The following SHC2 variants were observed in gnomAD, a reference collection of about 807,000 sequenced individuals.
SHC2 encodes SHC adaptor protein 2, also known as SHC-transforming protein 2.
SHC2 carries 62 observed loss-of-function variants against 60.6 expected under a neutral mutation model. The observed-to-expected ratio is 1.02, with a 90% CI of 0.83 to 1.26. The LOEUF (loss-of-function observed/expected upper bound fraction) is 1.26. SHC2 is among the 50% of genes most tolerant of loss of function. The pLI is 0.00. For synonymous variants in SHC2, 375 were observed against 372.4 expected, an observed-to-expected ratio of 1.01 and a Z score of -0.08; for missense variants, 873 against 822.2, an observed-to-expected ratio of 1.06 and a Z score of -0.76.
intron 1 of SHC2, among the ~76,000 whole-genome samples, chr19:458,947 T>C (rs1462589718): frequency 2.6e-5 from 4 of 152,056 alleles, no homozygotes; most frequent in Non-Finnish European, 4.4e-5. Flanking sequence ...AGCCAGCTTC[T>C]GGGGGCTCCC....
chr19:439,049 G>T lies in SHC2; in HGVS notation c.540-19C>A. The T allele has an allele frequency of 6.4e-7, 1 of 1,568,114 alleles. No individual in the cohort carries two copies. The highest frequency in any genetic ancestry group is 2.3e-5 in the East Asian group (1 of 42,904). On this transcript the variant is annotated intron_variant, in intron 2 of 12. Coordinates refer to ENST00000264554, the MANE Select transcript of SHC2 (RefSeq NM_012435.3). ...GGCTTCCCTGGGGTTGGGAGGAGGG[G>T]GCTTAGAGAGTGTGGTGGGGGTGGC...
At chr19:436,064 G>A (rs1974708379) in intron 7 of SHC2, 101 bp downstream of exon 7, 1 of 1,312,896 alleles carries the variant, frequency 7.6e-7, no homozygotes. Flanking sequence ...GAGGGACAAG[G>A]GCAGGACGGA....
rs1349358905 is a variant in SHC2 at position 446,570 on chromosome 19, G to T, written c.469-5638C>A. ...GTGATCCGCCTCGGTCTCCCAAAGT[G>T]CTGGGACTACAGGCGTGAGTCACCG... On this transcript the variant is annotated intron_variant, in intron 1 of 12. Transcript: ENST00000264554. This position sits in a 1 kb window ranked among gnomAD's most constrained non-coding sequence, Gnocchi z 5.4. Among the ~76,000 whole-genome samples the T allele has an allele frequency of 6.6e-6, 1 of 152,138 alleles. No homozygotes were observed. Among genetic ancestry groups the T allele is most frequent in the Non-Finnish European group, 1.5e-5 (1 of 68,024 alleles).
Position 422,357 on chromosome 19 carries a change from G to C in SHC2, c.1409C>G (p.Thr470Ser). 1.9e-6 allele frequency: 3 copies of C among 1,606,190 alleles called. No individual in the cohort carries two copies. Among genetic ancestry groups the C allele is most frequent in the Non-Finnish European group, 2.5e-6 (3 of 1,177,064 alleles). ...CGTGGGGGCCACAGGGGCCCGGCGG[G>C]TAGGGGGGCTGGGCCACTGGTCCTC... ...PLEDQWPSPPTRRAPVAPTEE... is the reference protein window; with the variant it reads ...PLEDQWPSPPSRRAPVAPTEE... Residue 470 changes from threonine (T) to serine (S), a missense_variant, in exon 11 of 13, where the codon ACC (threonine) becomes AGC (serine). Transcript: ENST00000264554. This position sits in a 1 kb window ranked among gnomAD's most constrained non-coding sequence, Gnocchi z 5.0.
intron 9 of SHC2, among the ~76,000 whole-genome samples, chr19:429,782 A>G (rs1974523260): frequency 6.7e-6 from 1 of 149,170 alleles, no homozygotes; most frequent in Non-Finnish European, 1.5e-5. Flanking sequence ...ATGACGCAGT[A>G]CCTATACCCA....
intron 1 of SHC2, among the ~76,000 whole-genome samples, chr19:460,260 TGG>T (rs144043667): frequency 6.6e-6 from 1 of 151,670 alleles, no homozygotes; most frequent in Admixed American, 6.6e-5. Flanking sequence ...CCAGTCCGAG[TGG>T]GGGGCGGTGC....
intron 1 of SHC2, among the ~76,000 whole-genome samples, chr19:454,651 A>G (rs952768863): frequency 1.1e-4 from 16 of 152,262 alleles, no homozygotes; most frequent in African/African-American, 3.1e-4. Flanking sequence ...TTAGCTGAGC[A>G]TGGTGGCGGG....
At position 434,796 on chromosome 19, in the gene SHC2, G is replaced by A; in HGVS notation, c.1023C>T (p.Ser341=). Residue 341 remains serine (S), a synonymous_variant, in exon 8 of 13, where the codon AGC becomes AGT. Transcript: ENST00000264554. ...CCAGCGGCGGCTCCTTCCCCGGGAT[G>A]CTGTTGTAGTAATTGTGCTCCAAAG... The part of the protein sequence containing the change: ...EDSLEHNYYN[S]IPGKEPPLGG... 1 of 1,612,914 alleles carries A rather than the reference G, an allele frequency of 6.2e-7. No individual in the cohort carries two copies. The highest frequency in any genetic ancestry group is 8.5e-7 in the Non-Finnish European group (1 of 1,179,824).
At chr19:435,197 C>T (rs145157908) in intron 7 of SHC2, among the ~76,000 whole-genome samples, 122 of 152,364 alleles carry the variant, frequency 8.0e-4, no homozygotes, top group Non-Finnish European at 8.5e-4. Flanking sequence ...AGGACATCAC[C>T]GGTCAGGGTG....
At position 440,811 on chromosome 19, in the gene SHC2, C is replaced by T. The variant is rs558104707; in HGVS notation, c.539+51G>A. 2.0e-6 allele frequency: 3 copies of T among 1,517,078 alleles called. No homozygotes were observed. The highest frequency in any genetic ancestry group is 2.7e-6 in the Non-Finnish European group (3 of 1,095,356). The allele number at this position is 1,517,078 out of a possible 1,614,324, so 94.0% of individuals were successfully genotyped here. A position where few individuals can be genotyped will look rare whatever the true frequency, so the allele number is the denominator to read the frequency against. ...GCTGCCGCCCTCCAGTGCTGCCGCC[C>T]TCCAGTGCGTCACTCAGCCCTACGC... is the stretch of plus-strand genomic sequence containing the variant. On this transcript the variant is annotated intron_variant, in intron 2 of 12. Transcript: ENST00000264554. The surrounding 1 kb of genome is among the most constrained non-coding windows in gnomAD (Gnocchi z 7.0).
chr19:456,039 C>T (rs1310203933), intron 1 of SHC2, among the ~76,000 whole-genome samples: 2 of 152,158 alleles, frequency 1.3e-5, no homozygotes, highest in East Asian at 1.9e-4. Context: ...CTCCGGCTCC[C>T]GCAGGAGGAC....
In SHC2 at chr19:424,281, C is replaced by A. The variant is rs1286280633; in HGVS notation, c.1309+816G>T. Among the ~76,000 whole-genome samples, 1 of 152,182 alleles carries A rather than the reference C, an allele frequency of 6.6e-6. No individual in the cohort carries two copies. Among genetic ancestry groups the A allele is most frequent in the Non-Finnish European group, 1.5e-5 (1 of 68,028 alleles). The stretch of plus-strand genomic sequence containing the variant: ...GGGTCATCCACGGGGAAGGAAGGAA[C>A]GGGCTCACCGTCAGACTAGCCACTT... On this transcript the variant is annotated intron_variant, in intron 10 of 12. Coordinates refer to ENST00000264554, the MANE Select transcript of SHC2 (RefSeq NM_012435.3). This position sits in a 1 kb window ranked among gnomAD's most constrained non-coding sequence, Gnocchi z 4.5.
At chr19:423,969 C>G (rs1041410970) in intron 10 of SHC2, among the ~76,000 whole-genome samples, 2 of 152,184 alleles carry the variant, frequency 1.3e-5, no homozygotes, top group African/African-American at 4.8e-5. Context: ...AAGCTCTTCA[C>G]GTAGTGCTTG....
chr19:453,883 C>T lies in SHC2; in HGVS notation c.468+6646G>A, dbSNP rs766985047. Among the ~76,000 whole-genome samples, 4 of 152,142 alleles carry T rather than the reference C, an allele frequency of 2.6e-5. No homozygotes were observed. The highest frequency in any genetic ancestry group is 4.8e-5 in the African/African-American group (2 of 41,446). On this transcript the variant is annotated intron_variant, in intron 1 of 12. Coordinates refer to ENST00000264554, the MANE Select transcript of SHC2 (RefSeq NM_012435.3). The surrounding 1 kb of genome is among the most constrained non-coding windows in gnomAD (Gnocchi z 6.3). ...CACGAGGTGAGGTGCGTGAGGGCAC[C>T]GCAGAGAGCAGGACGGCCTGACTCA... is the stretch of plus-strand genomic sequence containing the variant.
chr19:452,012 C>T (rs1456017258), intron 1 of SHC2, among the ~76,000 whole-genome samples: 1 of 152,234 alleles, frequency 6.6e-6, no homozygotes, highest in Non-Finnish European at 1.5e-5. Flanking sequence ...GCATCTGCCC[C>T]GTCTGTGGCT....
intron 7 of SHC2, chr19:435,868 C>T (rs1185294345): frequency 5.7e-6 from 2 of 350,552 alleles, no homozygotes; most frequent in East Asian, 4.9e-5. Flanking sequence ...TTGCGGGAGC[C>T]GGCCGCGCGT....
At chr19:421,314 C>T (rs1262335322) in intron 11 of SHC2, among the ~76,000 whole-genome samples, 3 of 149,770 alleles carry the variant, frequency 2.0e-5, no homozygotes, top group African/African-American at 7.4e-5. Context: ...GCGGGAGAAT[C>T]GCTTGAACGC....
intron 1 of SHC2, among the ~76,000 whole-genome samples, chr19:452,739 G>A (rs529461002): frequency 1.3e-5 from 2 of 152,294 alleles, no homozygotes; most frequent in East Asian, 1.9e-4. Flanking sequence ...ACGGCCACAC[G>A]CAGCTGCAGC....
intron 1 of SHC2, among the ~76,000 whole-genome samples, chr19:442,394 AGTGGATGG>A (rs890638192): frequency 9.4e-5 from 8 of 85,086 alleles, no homozygotes; most frequent in Admixed American, 1.4e-4. Context: ...TGAGTAGATG[AGTGGATGG>A]GTGGATGGAT....
Sources: gnomAD v4.1 joint callset for allele counts (sites outside exome capture counted in the v4.1 genomes callset) on GRCh38, gnomAD v4.1.1 for gene constraint, Gnocchi (gnomAD v3.1) non-coding constraint, MANE v1.5 for transcripts, NCBI Gene and HGNC (gene_info 2026-07-23, HGNC 2026-07-21) for gene names.